The following RAB6A variants were observed in gnomAD, a reference collection of about 807,000 sequenced individuals.
RAB6A encodes the protein ras-related protein Rab-6A.
A neutral mutation model predicts 32.3 loss-of-function variants in RAB6A; 8 were observed. The ratio of observed to expected loss-of-function variants is 0.25; its 90% CI spans 0.15 to 0.45. The LOEUF (loss-of-function observed/expected upper bound fraction) is 0.45, where lower values mean the gene tolerates loss of function less well. Among genes scored for constraint, RAB6A ranks in the 20% least tolerant of loss-of-function variants. The pLI, the probability that RAB6A is intolerant of heterozygous loss-of-function variation, is 1.00. For missense variants in RAB6A, 104 were observed against 249.4 expected, an observed-to-expected ratio of 0.42 and a Z score of 3.93; for synonymous variants, 73 against 82.1, an observed-to-expected ratio of 0.89 and a Z score of 0.60.
intron 1 of RAB6A, chr11:73,759,912 TGCCGACGCTA>T: frequency 1.5e-6 from 1 of 688,654 alleles, no homozygotes; most frequent in Non-Finnish European, 2.1e-6. Context: ...AAATCTCCAC[TGCCGACGCTA>T]CCCCTTTCAC....
At chr11:73,723,060 C>A (rs564354281) in intron 2 of RAB6A, among the ~76,000 whole-genome samples, 1 of 152,000 alleles carries the variant, frequency 6.6e-6, no homozygotes, top group Admixed American at 6.5e-5. Flanking sequence ...CCCCCGACCT[C>A]GGCCTCCCAA....
intron 7 of RAB6A, 128 bp from the exon 8 acceptor site, chr11:73,678,090 T>C (rs1364909607): frequency 1.7e-5 from 16 of 924,466 alleles, no homozygotes; most frequent in Admixed American, 4.2e-5. Context: ...ATTTTCTACA[T>C]AGCCGCCTCA....
At chr11:73,722,327 ATATATATATATATATATTTTTTTTTTT>A (rs1232431793) in intron 2 of RAB6A, 4 of 11,978 alleles carry the variant, frequency 3.3e-4, no homozygotes, top group Non-Finnish European at 6.9e-4. Context: ...ATATATATAT[ATATATATATATATATATTTTTTTTTTT>A]TTTTTTTTTT....
intron 6 of RAB6A, among the ~76,000 whole-genome samples, chr11:73,692,974 C>G (rs1222051797): frequency 3.6e-5 from 3 of 82,520 alleles, no homozygotes; most frequent in African/African-American, 1.0e-4. Flanking sequence ...CAAAACAAAA[C>G]AAAACAAAAA....
chr11:73,683,721 T>G (rs1945395432), intron 6 of RAB6A, among the ~76,000 whole-genome samples: 2 of 152,044 alleles, frequency 1.3e-5, no homozygotes, highest in African/African-American at 4.8e-5. Context: ...CAGGGCTAAT[T>G]CTTGTATTTT....
chr11:73,698,292 G>A (rs1184581457), intron 6 of RAB6A, among the ~76,000 whole-genome samples: 2 of 152,128 alleles, frequency 1.3e-5, no homozygotes, highest in Non-Finnish European at 2.9e-5. Context: ...GATAAATTGG[G>A]GTGAGGTTAA....
At chr11:73,698,734 T>C (rs2134899922) in intron 6 of RAB6A, among the ~76,000 whole-genome samples, 1 of 152,142 alleles carries the variant, frequency 6.6e-6, no homozygotes, top group South Asian at 2.1e-4. Context: ...ATTTACACTA[T>C]GTGTGCTAGG....
At chr11:73,723,846 A>G (rs1003401995) in intron 2 of RAB6A, among the ~76,000 whole-genome samples, 5 of 152,226 alleles carry the variant, frequency 3.3e-5, no homozygotes, top group African/African-American at 9.6e-5. Context: ...TACGATGTCA[A>G]TATTTTTAGA....
Position 73,741,148 on chromosome 11 carries a change from C to T in RAB6A, c.71-10325G>A, listed in dbSNP as rs539339958. 5.4e-3 allele frequency among the ~76,000 whole-genome samples: 825 copies of T among 151,894 alleles called. 4 individuals carry two copies. The highest frequency in any genetic ancestry group is 7.5e-3 in the Non-Finnish European group (508 of 67,936). On this transcript the variant is annotated intron_variant, in intron 1 of 7. Transcript: ENST00000336083. ...CAAAACAAAATATACTCCTTCCCCC[C>T]ACCCCCCCAACAGAGTCTTGCTCTG...
intron 1 of RAB6A, among the ~76,000 whole-genome samples, chr11:73,735,695 T>G (rs1280621828): frequency 6.6e-6 from 1 of 152,100 alleles, no homozygotes; most frequent in African/African-American, 2.4e-5. Flanking sequence ...TGGAAAGAAA[T>G]AAATTTAAAT....
rs551366322 is a variant in RAB6A at position 73,715,315 on chromosome 11, G to A, written c.401+936C>T. On this transcript the variant is annotated intron_variant, in intron 5 of 7. Transcript: ENST00000336083. ...CTAATTTTGTATTTTTAGTAGAGAC[G>A]GGATTTCACCATCTTGGCCAGGCTG... 2.1e-3 allele frequency among the ~76,000 whole-genome samples: 313 copies of A among 152,120 alleles called. 2 individuals are homozygous for A. The highest frequency in any genetic ancestry group is 6.8e-3 in the African/African-American group (281 of 41,506).
At chr11:73,733,655 C>A (rs921636744) in intron 1 of RAB6A, among the ~76,000 whole-genome samples, 3 of 151,848 alleles carry the variant, frequency 2.0e-5, no homozygotes, top group African/African-American at 7.2e-5. Context: ...AATATCCTAA[C>A]ATGTAAAATT....
chr11:73,703,860 G>A (rs141054804), intron 6 of RAB6A, among the ~76,000 whole-genome samples: 69 of 152,076 alleles, frequency 4.5e-4, no homozygotes, highest in African/African-American at 1.5e-3. Context: ...TTGAGGTCAG[G>A]ATCATATAAA....
intron 6 of RAB6A, among the ~76,000 whole-genome samples, chr11:73,681,866 G>A (rs1265480861): frequency 1.3e-5 from 2 of 152,130 alleles, no homozygotes; most frequent in East Asian, 3.8e-4. Flanking sequence ...TGATCTGGTA[G>A]ACAAAAGCCT....
intron 6 of RAB6A, among the ~76,000 whole-genome samples, chr11:73,690,283 T>G (rs986924701): frequency 1.3e-5 from 2 of 152,182 alleles, no homozygotes; most frequent in Non-Finnish European, 2.9e-5. Flanking sequence ...CCAGTTCAAT[T>G]TGCCTAGCTG....
At chr11:73,687,518 G>C (rs1945478441) in intron 6 of RAB6A, among the ~76,000 whole-genome samples, 1 of 152,124 alleles carries the variant, frequency 6.6e-6, no homozygotes, top group Non-Finnish European at 1.5e-5. Flanking sequence ...TTCTGGACTA[G>C]TCTATTTTTT....
chr11:73,695,304 G>A (rs1023023776), intron 6 of RAB6A, among the ~76,000 whole-genome samples: 4 of 151,260 alleles, frequency 2.6e-5, no homozygotes, highest in Admixed American at 2.6e-4. Context: ...AATCACAAAT[G>A]ACTAAGTATG....
chr11:73,736,607 C>T (rs1243099319), intron 1 of RAB6A, among the ~76,000 whole-genome samples: 2 of 151,506 alleles, frequency 1.3e-5, no homozygotes, highest in Non-Finnish European at 2.9e-5. Flanking sequence ...GCCTGGCCAG[C>T]ATGGTGAAAT....
chr11:73,750,052 A>G (rs2135010640), intron 1 of RAB6A, among the ~76,000 whole-genome samples: 2 of 152,268 alleles, frequency 1.3e-5, no homozygotes, highest in Middle Eastern at 6.8e-3. Flanking sequence ...TCTGCCTTAT[A>G]ATAACAGGTA....
Sources: allele counts gnomAD v4.1 joint callset (sites outside exome capture counted in the v4.1 genomes callset), GRCh38; gene constraint gnomAD v4.1.1; transcripts MANE v1.5; gene names NCBI Gene and HGNC (gene_info 2026-07-23, HGNC 2026-07-21).